Variants in TLX2 observed in about 807,000 individuals in gnomAD.
TLX2 encodes the protein T-cell leukemia homeobox protein 2.
A neutral mutation model predicts 21.7 loss-of-function variants in TLX2; 15 were observed. That is an observed-to-expected ratio of 0.69 (90% CI 0.46 to 1.07). The LOEUF is 1.07. Among genes scored for constraint, TLX2 ranks in the 50% least tolerant of loss-of-function variants. The pLI, the probability that TLX2 is intolerant of heterozygous loss-of-function variation, is 0.00. For missense variants in TLX2, 384 were observed against 409.1 expected (o/e 0.94, Z 0.53); for synonymous variants, 213 against 193.1 (o/e 1.10, Z -0.85).
Position 74,515,833 on chromosome 2 carries a change from G to A in TLX2, c.601G>A (p.Val201Ile), listed in dbSNP as rs1419216230. 1.9e-6 allele frequency: 3 copies of A among 1,611,616 alleles called. No individual in the cohort carries two copies. Among genetic ancestry groups the A allele is most frequent in the Admixed American group, 1.7e-5 (1 of 59,938 alleles). Residue 201 changes from valine (V) to isoleucine (I), a missense_variant, in exon 2 of 3, where the codon GTC (valine) becomes ATC (isoleucine). Val to Ile is a conservative substitution (Grantham distance 29, BLOSUM62 3). Transcript: ENST00000233638. This position sits in a 1 kb window ranked among gnomAD's most constrained non-coding sequence, Gnocchi z 6.6. ...GGCCTTGCGCATGACCGACGCACAG[G>A]TCAAAACGTGGTTCCAGAACCGACG... ...AKALRMTDAQ[V>I]KTWFQNRRTK...
chr2:74,515,930 G>A lies in TLX2; in HGVS notation c.639-43G>A, dbSNP rs758773794. ...TCCCGAGCAGGGCCTGGTGAGAAGC[G>A]ACGCGGCGGGCGCCCCGCTGACCCC... is the stretch of plus-strand genomic sequence containing the variant. On this transcript the variant is annotated intron_variant, in intron 2 of 2. Transcript: ENST00000233638. This position sits in a 1 kb window ranked among gnomAD's most constrained non-coding sequence, Gnocchi z 6.6. 3 of 1,506,264 alleles carry A rather than the reference G, an allele frequency of 2.0e-6. No homozygotes were observed. The highest frequency in any genetic ancestry group is 1.4e-5 in the African/African-American group (1 of 69,610). The allele number at this position is 1,506,264 out of a possible 1,614,324, so 93.3% of individuals were successfully genotyped here. A position where few individuals can be genotyped will look rare whatever the true frequency, so the allele number is the denominator to read the frequency against.
Position 74,515,791 on chromosome 2 carries a change from A to T in TLX2, c.559A>T (p.Arg187Trp), listed in dbSNP as rs765005879. 1.2e-6 allele frequency: 2 copies of T among 1,613,036 alleles called. No individual in the cohort carries two copies. The highest frequency in any genetic ancestry group is 2.2e-5 in the South Asian group (2 of 91,080). ...LRQKYLASAERAALAKALRMT... is the reference protein window; with the variant it reads ...LRQKYLASAEWAALAKALRMT... Reference sequence around the variant, plus strand: ...CCAGAAGTACCTGGCCTCTGCGGAGAGGGCGGCGCTGGCCAAGGCCTTGCG... The same window carrying T: ...CCAGAAGTACCTGGCCTCTGCGGAGTGGGCGGCGCTGGCCAAGGCCTTGCG... The change falls in exon 2 of 3, where the codon AGG (arginine) becomes TGG (tryptophan). Residue 187 changes from arginine to tryptophan, a missense_variant. Coordinates refer to ENST00000233638, the MANE Select transcript of TLX2 (RefSeq NM_016170.5). The surrounding 1 kb of genome is among the most constrained non-coding windows in gnomAD (Gnocchi z 6.6).
chr2:74,516,227 G>C lies in TLX2; in HGVS notation c.*38G>C, dbSNP rs752211718. Reference sequence around the variant, plus strand: ...CGATCGGCGTGGAGCGCCGGGCCCGGAGCGGTGGAGCGCGCGGCTGCCTGC... The same window carrying C: ...CGATCGGCGTGGAGCGCCGGGCCCGCAGCGGTGGAGCGCGCGGCTGCCTGC... On this transcript the variant is annotated 3_prime_UTR_variant, in exon 3 of 3. Coordinates refer to ENST00000233638, the MANE Select transcript of TLX2 (RefSeq NM_016170.5). 105 of 1,586,256 alleles carry C rather than the reference G, an allele frequency of 6.6e-5. No individual in the cohort carries two copies. The highest frequency in any genetic ancestry group is 8.4e-5 in the Non-Finnish European group (98 of 1,168,736).
chr2:74,515,537 C>T lies in TLX2; in HGVS notation c.401-96C>T, dbSNP rs1279221063. 10 of 1,291,016 alleles carry T rather than the reference C, an allele frequency of 7.7e-6. No individual in the cohort carries two copies. The highest frequency in any genetic ancestry group is 1.1e-5 in the Non-Finnish European group (10 of 922,972). The allele number at this position is 1,291,016 out of a possible 1,614,324, so 80.0% of individuals were successfully genotyped here. A position where few individuals can be genotyped will look rare whatever the true frequency, so the allele number is the denominator to read the frequency against. ...GCTTAGGGCCCGGGTAAGGACAGGG[C>T]GCGGGAGTTCTGCGGCCTGGACAGC... On this transcript the variant is annotated intron_variant, in intron 1 of 2. Coordinates refer to ENST00000233638, the MANE Select transcript of TLX2 (RefSeq NM_016170.5). This position sits in a 1 kb window ranked among gnomAD's most constrained non-coding sequence, Gnocchi z 6.6.
In TLX2 at chr2:74,514,950, G is replaced by A; in HGVS notation, c.144G>A (p.Gly48=). The change falls in exon 1 of 3, where the codon GGG becomes GGA. Residue 48 remains glycine, a synonymous_variant. Coordinates refer to ENST00000233638, the MANE Select transcript of TLX2 (RefSeq NM_016170.5). This position sits in a 1 kb window ranked among gnomAD's most constrained non-coding sequence, Gnocchi z 5.0. Reference sequence around the variant, plus strand: ...GGGGCCAGGGTCATGGGGAGAATGGGGCGTTCTCGGGTGGATACCACGGAG... The same window carrying A: ...GGGGCCAGGGTCATGGGGAGAATGGAGCGTTCTCGGGTGGATACCACGGAG... The part of the protein sequence containing the change: ...GRGGQGHGEN[G]AFSGGYHGAS... The A allele has an allele frequency of 6.3e-7, 1 of 1,592,022 alleles. No homozygotes were observed. The highest frequency in any genetic ancestry group is 8.5e-7 in the Non-Finnish European group (1 of 1,170,298).
rs1674898440 is a variant in TLX2 at position 74,516,711 on chromosome 2, C to T, written c.*522C>T. 4.9e-6 allele frequency: 1 copy of T among 205,746 alleles called. No individual in the cohort carries two copies. The highest frequency in any genetic ancestry group is 2.4e-5 in the African/African-American group (1 of 41,876). 12.7% of individuals were successfully genotyped at this position (205,746 alleles called of 1,614,324 possible). A position where few individuals can be genotyped will look rare whatever the true frequency, so the allele number is the denominator to read the frequency against. On this transcript the variant is annotated 3_prime_UTR_variant, in exon 3 of 3. Transcript: ENST00000233638. ...GACCGAAACCAGAGGGTTGTCCACCCCGGGCATCTCATCCCTCAACTGTAA... is the reference window on the plus strand; with the variant it reads ...GACCGAAACCAGAGGGTTGTCCACCTCGGGCATCTCATCCCTCAACTGTAA...
rs1297330690 is a variant in TLX2, at chr2:74,515,178, C to T, written c.372C>T (p.Gly124=). Reference sequence around the variant, plus strand: ...TCACCTTCCCCTGGATGGACAGCGGCCGCCGCTTTGCCAAGGACCGGCTCA... The same window carrying T: ...TCACCTTCCCCTGGATGGACAGCGGTCGCCGCTTTGCCAAGGACCGGCTCA... ...AGLTFPWMDS[G]RRFAKDRLTA... The change falls in exon 1 of 3, where the codon GGC becomes GGT. Residue 124 remains glycine (G), a synonymous_variant. Transcript: ENST00000233638. The surrounding 1 kb of genome is among the most constrained non-coding windows in gnomAD (Gnocchi z 6.6). 6.5e-7 allele frequency: 1 copy of T among 1,541,194 alleles called. No homozygotes were observed. Among genetic ancestry groups the T allele is most frequent in the South Asian group, 1.2e-5 (1 of 84,212 alleles).
At position 74,516,023 on chromosome 2, in the gene TLX2, TGCTCCTGCATCTGCA is replaced by T. The variant is rs1310886986; in HGVS notation, c.692_706del (p.Leu231_Gln235del). On this transcript the variant is annotated inframe_deletion, in exon 3 of 3. Transcript: ENST00000233638. ...GCCGAGCGGCACCGCGCGGGCCGGC[TGCTCCTGCATCTGCA>T]GCAGGACGCGTTGCCACGGCCGCTG... 1 of 1,542,850 alleles carries T rather than the reference TGCTCCTGCATCTGCA, an allele frequency of 6.5e-7. No individual in the cohort carries two copies. The highest frequency in any genetic ancestry group is 2.5e-5 in the East Asian group (1 of 39,480).
Position 74,515,588 on chromosome 2 carries a change from G to C in TLX2, c.401-45G>C. 1.9e-6 allele frequency: 3 copies of C among 1,561,352 alleles called. No homozygotes were observed. Among genetic ancestry groups the C allele is most frequent in the South Asian group, 1.2e-5 (1 of 85,278 alleles). On this transcript the variant is annotated intron_variant, in intron 1 of 2. Coordinates refer to ENST00000233638, the MANE Select transcript of TLX2 (RefSeq NM_016170.5). The surrounding 1 kb of genome is among the most constrained non-coding windows in gnomAD (Gnocchi z 6.6). ...CGCGCGGCCTTCTCAGTGGCACCTC[G>C]GGCCACCCTGCAAATCCTGCCCTGG... is the stretch of plus-strand genomic sequence containing the variant.
chr2:74,515,867 G>A lies in TLX2; in HGVS notation c.635G>A (p.Trp212Ter). 1 of 1,604,040 alleles carries A rather than the reference G, an allele frequency of 6.2e-7. No individual in the cohort carries two copies. Among genetic ancestry groups the A allele is most frequent in the Non-Finnish European group, 8.5e-7 (1 of 1,174,022 alleles). Residue 212 changes from tryptophan (W) to a stop codon, truncating the protein, a stop_gained, in exon 2 of 3, where the codon TGG becomes TAG. Coordinates refer to ENST00000233638, the MANE Select transcript of TLX2 (RefSeq NM_016170.5). LOFTEE classifies it high-confidence loss of function. This position sits in a 1 kb window ranked among gnomAD's most constrained non-coding sequence, Gnocchi z 6.6. ...TGGTTCCAGAACCGACGCACCAAGT[G>A]GCGGTGAGGCGCGGCGCGGGCGAGG... ...KTWFQNRRTKWRRQTAEEREA... is the reference protein window; with the variant it reads ...KTWFQNRRTK
chr2:74,515,337 C>G lies in TLX2; in HGVS notation c.400+131C>G. The G allele has an allele frequency of 7.3e-6, 11 of 1,502,060 alleles. No homozygotes were observed. Among genetic ancestry groups the G allele is most frequent in the Non-Finnish European group, 9.8e-6 (11 of 1,127,784 alleles). 93.0% of individuals were successfully genotyped at this position (1,502,060 alleles called of 1,614,324 possible). A position where few individuals can be genotyped will look rare whatever the true frequency, so the allele number is the denominator to read the frequency against. ...ATCCTCCCAGGGGATCCTCCCCCAA[C>G]TCAAATCTCTGGGTCCTGCCTCCGA... is the stretch of plus-strand genomic sequence containing the variant. On this transcript the variant is annotated intron_variant, in intron 1 of 2. Transcript: ENST00000233638. The surrounding 1 kb of genome is among the most constrained non-coding windows in gnomAD (Gnocchi z 6.6).
Position 74,516,033 on chromosome 2 carries a change from T to C in TLX2, c.699T>C (p.His233=), listed in dbSNP as rs1427707386. 1 of 1,560,392 alleles carries C rather than the reference T, an allele frequency of 6.4e-7. No homozygotes were observed. The highest frequency in any genetic ancestry group is 8.6e-7 in the Non-Finnish European group (1 of 1,160,632). ...ERHRAGRLLL[H]LQQDALPRPL... ...ACCGCGCGGGCCGGCTGCTCCTGCA[T>C]CTGCAGCAGGACGCGTTGCCACGGC... Residue 233 remains histidine (H), a synonymous_variant, in exon 3 of 3, where the codon CAT becomes CAC. Coordinates refer to ENST00000233638, the MANE Select transcript of TLX2 (RefSeq NM_016170.5).
Position 74,516,640 on chromosome 2 carries a change from C to A in TLX2, c.*451C>A. On this transcript the variant is annotated 3_prime_UTR_variant, in exon 3 of 3. Transcript: ENST00000233638. ...GAAGGAAAGAAGACACCGACCACGG[C>A]GAAGCAATAGAGGGGGTGCTGGAGC... The A allele has an allele frequency of 4.5e-6, 3 of 668,068 alleles. No homozygotes were observed. Among genetic ancestry groups the A allele is most frequent in the Non-Finnish European group, 5.9e-6 (3 of 511,814 alleles). The allele number at this position is 668,068 out of a possible 1,614,324, so 41.4% of individuals were successfully genotyped here. A position where few individuals can be genotyped will look rare whatever the true frequency, so the allele number is the denominator to read the frequency against.
Position 74,515,341 on chromosome 2 carries a change from A to C in TLX2, c.400+135A>C. ...TCCCAGGGGATCCTCCCCCAACTCA[A>C]ATCTCTGGGTCCTGCCTCCGAGAGG... On this transcript the variant is annotated intron_variant, in intron 1 of 2. Coordinates refer to ENST00000233638, the MANE Select transcript of TLX2 (RefSeq NM_016170.5). This position sits in a 1 kb window ranked among gnomAD's most constrained non-coding sequence, Gnocchi z 6.6. The C allele has an allele frequency of 4.0e-6, 6 of 1,484,440 alleles. No individual in the cohort carries two copies. Among genetic ancestry groups the C allele is most frequent in the African/African-American group, 1.4e-5 (1 of 70,118 alleles). 92.0% of individuals were successfully genotyped at this position (1,484,440 alleles called of 1,614,324 possible). A position where few individuals can be genotyped will look rare whatever the true frequency, so the allele number is the denominator to read the frequency against.
rs562212208 is a variant in TLX2, at chr2:74,516,170, G to C, written c.836G>C (p.Gly279Ala). ...GACAACAAAGTGGCTTCAGTGTCCG[G>C]GCTCGCCTCGGTGGTGTGAGCGACG... ...AEDNKVASVS[G>A]LASVV Residue 279 changes from glycine (G) to alanine (A), a missense_variant, in exon 3 of 3, where the codon GGG (glycine) becomes GCG (alanine). Gly to Ala is a moderately conservative substitution (Grantham distance 60, BLOSUM62 0). Transcript: ENST00000233638. 6.2e-7 allele frequency: 1 copy of C among 1,610,034 alleles called. No homozygotes were observed. Among genetic ancestry groups the C allele is most frequent in the African/African-American group, 1.3e-5 (1 of 74,930 alleles).
chr2:74,515,957 C>T lies in TLX2; in HGVS notation c.639-16C>T. The stretch of plus-strand genomic sequence containing the variant: ...CGCGGCGGGCGCCCCGCTGACCCCG[C>T]GTCTCCCTCCCTTAGGCGCCAGACG... On this transcript the variant is annotated splice_polypyrimidine_tract_variant and intron_variant, in intron 2 of 2. Coordinates refer to ENST00000233638, the MANE Select transcript of TLX2 (RefSeq NM_016170.5). This position sits in a 1 kb window ranked among gnomAD's most constrained non-coding sequence, Gnocchi z 6.6. 9 of 1,476,076 alleles carry T rather than the reference C, an allele frequency of 6.1e-6. No homozygotes were observed. Among genetic ancestry groups the T allele is most frequent in the South Asian group, 1.4e-5 (1 of 71,368 alleles). 91.4% of individuals were successfully genotyped at this position (1,476,076 alleles called of 1,614,324 possible).
Position 74,515,997 on chromosome 2 carries a change from G to T in TLX2, c.663G>T (p.Glu221Asp). 6.7e-7 allele frequency: 1 copy of T among 1,486,788 alleles called. No homozygotes were observed. The highest frequency in any genetic ancestry group is 8.9e-7 in the Non-Finnish European group (1 of 1,129,354). The allele number at this position is 1,486,788 out of a possible 1,614,324, so 92.1% of individuals were successfully genotyped here. A position where few individuals can be genotyped will look rare whatever the true frequency, so the allele number is the denominator to read the frequency against. The change falls in exon 3 of 3, where the codon GAG (glutamate) becomes GAT (aspartate). Residue 221 changes from glutamate (E) to aspartate (D), a missense_variant. Coordinates refer to ENST00000233638, the MANE Select transcript of TLX2 (RefSeq NM_016170.5). This position sits in a 1 kb window ranked among gnomAD's most constrained non-coding sequence, Gnocchi z 6.6. ...GGCGCCAGACGGCGGAGGAGCGCGA[G>T]GCCGAGCGGCACCGCGCGGGCCGGC... ...KWRRQTAEER[E>D]AERHRAGRLL...
rs925118367 is a variant in TLX2, at chr2:74,515,047, A to G, written c.241A>G (p.Ile81Val). The change falls in exon 1 of 3, where the codon ATC becomes GTC. Residue 81 changes from isoleucine (I) to valine (V), a missense_variant. Physicochemically the swap from Ile to Val is conservative, Grantham distance 29 (BLOSUM62 3). Coordinates refer to ENST00000233638, the MANE Select transcript of TLX2 (RefSeq NM_016170.5). The surrounding 1 kb of genome is among the most constrained non-coding windows in gnomAD (Gnocchi z 6.6). ...CTCCGGAGTGGGCCCAGGCGGCGTG[A>G]TCCGCGTCCCTGCGCACCGCCCGCT... The part of the protein sequence containing the change: ...GSSGVGPGGV[I>V]RVPAHRPLPV... The G allele has an allele frequency of 2.6e-6, 4 of 1,519,610 alleles. No homozygotes were observed. Among genetic ancestry groups the G allele is most frequent in the Non-Finnish European group, 3.5e-6 (4 of 1,135,402 alleles). 94.1% of individuals were successfully genotyped at this position (1,519,610 alleles called of 1,614,324 possible). A position where few individuals can be genotyped will look rare whatever the true frequency, so the allele number is the denominator to read the frequency against.
rs749625308 is a variant in TLX2 at position 74,515,636 on chromosome 2, C to A, written c.404C>A (p.Ala135Glu). Reference sequence around the variant, plus strand: ...TGGTCTTTCTTCCTCCCGGTAGCTGCGCTCTCGCCCTTCTCTGGGACGCGC... The same window carrying A: ...TGGTCTTTCTTCCTCCCGGTAGCTGAGCTCTCGCCCTTCTCTGGGACGCGC... ...RRFAKDRLTA[A>E]LSPFSGTRRI... is the part of the protein sequence containing the mutation. Residue 135 changes from alanine (A) to glutamate (E), a missense_variant, in exon 2 of 3, where the codon GCG becomes GAG. Coordinates refer to ENST00000233638, the MANE Select transcript of TLX2 (RefSeq NM_016170.5). This position sits in a 1 kb window ranked among gnomAD's most constrained non-coding sequence, Gnocchi z 6.6. 8.1e-6 allele frequency: 13 copies of A among 1,607,256 alleles called. No homozygotes were observed. In the South Asian group the frequency reaches 1.2e-4, roughly 15 times the overall value.
Sources: allele counts gnomAD v4.1 joint callset, GRCh38; gene constraint gnomAD v4.1.1; non-coding constraint Gnocchi (gnomAD v3.1); transcripts MANE v1.5; gene names NCBI Gene and HGNC (gene_info 2026-07-23, HGNC 2026-07-21).